Variants in RFTN2 observed in about 807,000 individuals in gnomAD.
The protein encoded by RFTN2 is raftlin-2.
Under a neutral mutation model 52.7 loss-of-function variants are expected in RFTN2, and 34 were observed. The observed-to-expected ratio is 0.64, with a 90% CI of 0.49 to 0.86. RFTN2 has a LOEUF of 0.86. Among genes scored for constraint, RFTN2 ranks in the 40% least tolerant of loss-of-function variants. RFTN2 has a pLI of 0.00. For missense variants in RFTN2, 536 were observed against 600.1 expected, an observed-to-expected ratio of 0.89 and a Z score of 1.12; for synonymous variants, 203 against 217.7, an observed-to-expected ratio of 0.93 and a Z score of 0.59.
chr2:197,627,053 C>G (rs1023525347), intron 5 of RFTN2, among the ~76,000 whole-genome samples: 1 of 152,118 alleles, frequency 6.6e-6, no homozygotes, highest in South Asian at 2.1e-4. Flanking sequence ...TGTTTAGGAC[C>G]CTGTAGGGAC....
intron 3 of RFTN2, among the ~76,000 whole-genome samples, chr2:197,643,061 G>T (rs1241904869): frequency 6.6e-6 from 1 of 152,112 alleles, no homozygotes; most frequent in Non-Finnish European, 1.5e-5. Context: ...GTTGTATTAT[G>T]AATGTTAGCT....
Position 197,631,198 on chromosome 2 carries a change from T to C in RFTN2, c.741A>G (p.Thr247=), listed in dbSNP as rs1240515360. 8.7e-6 allele frequency: 14 copies of C among 1,610,704 alleles called. No homozygotes were observed. Among genetic ancestry groups the C allele is most frequent in the Non-Finnish European group, 1.2e-5 (14 of 1,179,058 alleles). The change falls in exon 5 of 9, where the codon ACA becomes ACG. Residue 247 remains threonine, a synonymous_variant. Coordinates refer to ENST00000295049, the MANE Select transcript of RFTN2 (RefSeq NM_144629.3). The part of the protein sequence containing the change: ...KGEASDNKLY[T]VFNAFDDDST... ...AATCATCATCAAAAGCATTGAAGAC[T>C]GTATACAATTTGTTATCTGAGGCTA...
At chr2:197,669,597 T>C (rs913604543) in intron 1 of RFTN2, among the ~76,000 whole-genome samples, 1 of 152,160 alleles carries the variant, frequency 6.6e-6, no homozygotes, top group African/African-American at 2.4e-5. Context: ...AGGCATTAGT[T>C]AGATTCTCAT....
intron 7 of RFTN2, among the ~76,000 whole-genome samples, chr2:197,599,867 A>T (rs74886778): frequency 6.8e-6 from 1 of 146,232 alleles, no homozygotes; most frequent in African/African-American, 2.8e-5. Context: ...TTTATATTTT[A>T]TTTTTTTTGA....
intron 7 of RFTN2, among the ~76,000 whole-genome samples, chr2:197,596,773 T>G (rs2087798775): frequency 6.6e-6 from 1 of 152,224 alleles, no homozygotes; most frequent in Non-Finnish European, 1.5e-5. Context: ...CTGCCACATG[T>G]GAGAAAATTT....
In RFTN2 at chr2:197,579,961, G is replaced by A. The variant is rs181277544; in HGVS notation, c.1234-7681C>T. The stretch of plus-strand genomic sequence containing the variant: ...TAAAGAGGTGGCTGGAGCTAAAGGC[G>A]TAGTCAAGGTTAATGCTCCTTTTTC... On this transcript the variant is annotated intron_variant, in intron 8 of 8. Transcript: ENST00000295049. 5.9e-4 allele frequency among the ~76,000 whole-genome samples: 90 copies of A among 152,216 alleles called. 2 individuals are homozygous for A. The South Asian group carries it at 8.3e-3, about 14-fold the overall frequency.
intron 8 of RFTN2, among the ~76,000 whole-genome samples, chr2:197,579,095 G>A (rs549593803): frequency 1.3e-5 from 2 of 152,210 alleles, no homozygotes; most frequent in South Asian, 4.1e-4. Context: ...AAACTCTGGC[G>A]CCGGTCACAG....
At chr2:197,671,298 T>A (rs1171682320) in intron 1 of RFTN2, among the ~76,000 whole-genome samples, 1 of 152,226 alleles carries the variant, frequency 6.6e-6, no homozygotes, top group African/African-American at 2.4e-5. Flanking sequence ...TTAATCTTTT[T>A]CTGTTTAAGC....
chr2:197,606,168 A>G (rs1030969602), intron 7 of RFTN2, among the ~76,000 whole-genome samples: 9 of 152,058 alleles, frequency 5.9e-5, no homozygotes, highest in Admixed American at 5.9e-4. Context: ...AATTTTCATC[A>G]TCTTGGGGAC....
At chr2:197,600,110 C>T (rs554606533) in intron 7 of RFTN2, among the ~76,000 whole-genome samples, 9 of 152,212 alleles carry the variant, frequency 5.9e-5, no homozygotes, top group African/African-American at 1.9e-4. Context: ...CCACCTGCCT[C>T]GGCCTCCCAA....
At chr2:197,657,709 C>T (rs889057331) in intron 1 of RFTN2, among the ~76,000 whole-genome samples, 8 of 152,072 alleles carry the variant, frequency 5.3e-5, no homozygotes, top group Non-Finnish European at 8.8e-5. Context: ...GAAAGTTGTC[C>T]TCATTATTGG....
intron 1 of RFTN2, among the ~76,000 whole-genome samples, chr2:197,653,932 A>T (rs2088857212): frequency 6.6e-6 from 1 of 152,230 alleles, no homozygotes; most frequent in South Asian, 2.1e-4. Context: ...TTTAAGCAAA[A>T]TAAATTTATT....
intron 3 of RFTN2, among the ~76,000 whole-genome samples, chr2:197,637,780 GC>G (rs1385812038): frequency 1.3e-5 from 2 of 151,100 alleles, no homozygotes; most frequent in Non-Finnish European, 3.0e-5. Flanking sequence ...CCTTCTGCTA[GC>G]TTTTGAATGT....
intron 1 of RFTN2, among the ~76,000 whole-genome samples, chr2:197,672,401 C>T (rs907286366): frequency 4.6e-5 from 7 of 152,040 alleles, no homozygotes; most frequent in African/African-American, 2.4e-5. Context: ...TTGAAGAGAA[C>T]ATATAAGTAA....
chr2:197,596,118 A>G (rs1323685886), intron 7 of RFTN2, 49 bp from the exon 8 acceptor site: 4 of 1,108,714 alleles, frequency 3.6e-6, no homozygotes, highest in Admixed American at 1.8e-5. Flanking sequence ...GTAATTCTCT[A>G]TATTTCATAA....
Position 197,633,989 on chromosome 2 carries a change from G to T in RFTN2, c.447C>A (p.Val149=). 1.2e-6 allele frequency: 2 copies of T among 1,606,030 alleles called. No homozygotes were observed. The highest frequency in any genetic ancestry group is 1.7e-6 in the Non-Finnish European group (2 of 1,175,566). The change falls in exon 4 of 9, where the codon GTC becomes GTA. Residue 149 remains valine, a synonymous_variant. Coordinates refer to ENST00000295049, the MANE Select transcript of RFTN2 (RefSeq NM_144629.3). ...CAAATTTCATTCCTCTTTTAGCAGCGACATTAATCTGATATTTAAAAAGAG... is the reference window on the plus strand; with the variant it reads ...CAAATTTCATTCCTCTTTTAGCAGCTACATTAATCTGATATTTAAAAAGAG... ...AAKELIEKIN[V]AAKRGMKFVG...
intron 5 of RFTN2, among the ~76,000 whole-genome samples, chr2:197,618,587 G>T (rs1308140765): frequency 6.6e-6 from 1 of 151,086 alleles, no homozygotes; most frequent in Non-Finnish European, 1.5e-5. Flanking sequence ...TGGCTGCCCA[G>T]TCTGGAAAGT....
intron 7 of RFTN2, among the ~76,000 whole-genome samples, chr2:197,610,979 G>C (rs573545325): frequency 4.6e-5 from 7 of 152,298 alleles, no homozygotes; most frequent in South Asian, 2.1e-4. Context: ...GATTGTGGTG[G>C]ATAAGCTTTT....
intron 5 of RFTN2, among the ~76,000 whole-genome samples, chr2:197,620,594 C>T (rs1376558620): frequency 6.6e-6 from 1 of 152,114 alleles, no homozygotes; most frequent in Non-Finnish European, 1.5e-5. Flanking sequence ...AGAGATAAAT[C>T]ATTATTATTA....
Sources: gnomAD v4.1 joint callset for allele counts (sites outside exome capture counted in the v4.1 genomes callset) on GRCh38, gnomAD v4.1.1 for gene constraint, MANE v1.5 for transcripts, NCBI Gene and HGNC (gene_info 2026-07-23, HGNC 2026-07-21) for gene names.